METTL15: variants seen among roughly 807,000 people sequenced by gnomAD.
METTL15 encodes 12S rRNA N(4)-cytidine methyltransferase METTL15.
METTL15 carries 34 observed loss-of-function variants against 38.3 expected under a neutral mutation model. That is an observed-to-expected ratio of 0.89 (90% CI 0.68 to 1.18). The LOEUF (loss-of-function observed/expected upper bound fraction) is 1.18. METTL15 is among the 50% of genes most tolerant of loss of function. The pLI, the probability that METTL15 is intolerant of heterozygous loss-of-function variation, is 0.00. For missense variants in METTL15, 438 were observed against 498.4 expected (o/e 0.88, Z 1.15); for synonymous variants, 162 against 170.9 (o/e 0.95, Z 0.41).
At chr11:28,385,040 T>C (rs77415602) in intron 5 of METTL15, among the ~76,000 whole-genome samples, 8,385 of 152,278 alleles carry the variant, frequency 0.055, 405 homozygotes, top group African/African-American at 0.13. Flanking sequence ...AAGCTTAATA[T>C]TAGACTTTTG....
intron 6 of METTL15, among the ~76,000 whole-genome samples, chr11:28,513,406 G>A (rs1851692739): frequency 6.6e-6 from 1 of 152,216 alleles, no homozygotes; most frequent in African/African-American, 2.4e-5. Context: ...TCCCTCAGCA[G>A]TAAAATGGGG....
At chr11:28,372,450 C>CTTTTTTT (rs56304548) in intron 5 of METTL15, among the ~76,000 whole-genome samples, 2 of 101,574 alleles carry the variant, frequency 2.0e-5, no homozygotes, top group African/African-American at 3.7e-5. Flanking sequence ...TTGTTGTGTT[C>CTTTTTTT]TTTTTTTTTT....
intron 4 of METTL15, among the ~76,000 whole-genome samples, chr11:28,278,664 T>C (rs1209879289): frequency 6.6e-6 from 1 of 152,226 alleles, no homozygotes; most frequent in East Asian, 1.9e-4. Context: ...TCCTTACCTC[T>C]CTCTTGTCTT....
intron 6 of METTL15, among the ~76,000 whole-genome samples, chr11:28,297,814 TAAG>T (rs753164321): frequency 2.0e-5 from 3 of 152,120 alleles, no homozygotes; most frequent in Non-Finnish European, 4.4e-5. Context: ...AAGTAAATTT[TAAG>T]AAGTTTTTAA....
intron 3 of METTL15, among the ~76,000 whole-genome samples, chr11:28,208,360 G>C (rs959363167): frequency 1.3e-5 from 2 of 152,004 alleles, no homozygotes; most frequent in East Asian, 1.9e-4. Context: ...CCTTCATTTC[G>C]TTATGTACCC....
intron 6 of METTL15, among the ~76,000 whole-genome samples, chr11:28,485,797 C>T (rs550213762): frequency 3.3e-5 from 5 of 152,262 alleles, no homozygotes; most frequent in African/African-American, 1.2e-4. Flanking sequence ...TTCTGGAGGA[C>T]AGTCCGAGAT....
intron 6 of METTL15, among the ~76,000 whole-genome samples, chr11:28,308,064 G>A (rs10742191): frequency 1 from 151,723 of 152,118 alleles, 75,665 homozygotes; most frequent in Middle Eastern, 1. Flanking sequence ...TGGGTGTAGA[G>A]TTGATAGGTT....
chr11:28,260,801 T>A (rs747684886), intron 4 of METTL15, among the ~76,000 whole-genome samples: 1 of 152,180 alleles, frequency 6.6e-6, no homozygotes, highest in South Asian at 2.1e-4. Flanking sequence ...ATAGATGTTG[T>A]GCTGGCAGGC....
At chr11:28,327,110 C>T (rs574444867) in intron 6 of METTL15, among the ~76,000 whole-genome samples, 4 of 152,274 alleles carry the variant, frequency 2.6e-5, no homozygotes, top group African/African-American at 9.6e-5. Flanking sequence ...TTTGATCCCC[C>T]AGAGAAGTAC....
chr11:28,333,084 A>G lies in METTL15; in HGVS notation c.*2243A>G, dbSNP rs1318808106. 3 of 151,544 alleles carry G rather than the reference A, an allele frequency of 2.0e-5. No homozygotes were observed. Among genetic ancestry groups the G allele is most frequent in the East Asian group, 1.9e-4 (1 of 5,174 alleles). The allele number at this position is 151,544 out of a possible 1,614,324, so 9.4% of individuals were successfully genotyped here. A position where few individuals can be genotyped will look rare whatever the true frequency, so the allele number is the denominator to read the frequency against. ...GGAATAGATTCTCCCTCAGAGTTCC[A>G]GTAGTTGCCAACCCTGCTAACATGG... is the stretch of plus-strand genomic sequence containing the variant. On this transcript the variant is annotated 3_prime_UTR_variant, in exon 7 of 7. Coordinates refer to ENST00000407364, the MANE Select transcript of METTL15 (RefSeq NM_001113528.2).
At chr11:28,301,930 A>G (rs988208641) in intron 6 of METTL15, among the ~76,000 whole-genome samples, 5 of 152,060 alleles carry the variant, frequency 3.3e-5, no homozygotes, top group African/African-American at 1.2e-4. Flanking sequence ...TTTTTAAGTG[A>G]CAGGGTCTCC....
intron 5 of METTL15, among the ~76,000 whole-genome samples, chr11:28,368,128 C>CAAAAAAAAAAAAAAAAAAAAAAAAA: frequency 3.1e-5 from 1 of 32,578 alleles, no homozygotes; most frequent in Non-Finnish European, 5.8e-5. Flanking sequence ...TTCTGCATAG[C>CAAAAAAAAAAAAAAAAAAAAAAAAA]AAAAAAAAAA....
intron 4 of METTL15, among the ~76,000 whole-genome samples, chr11:28,285,131 C>G (rs1462890535): frequency 1.3e-5 from 2 of 152,122 alleles, no homozygotes; most frequent in African/African-American, 4.8e-5. Flanking sequence ...CCTTTGCCTT[C>G]CACCATGATT....
intron 4 of METTL15, among the ~76,000 whole-genome samples, chr11:28,284,787 T>C (rs574029655): frequency 6.6e-6 from 1 of 152,312 alleles, no homozygotes; most frequent in African/African-American, 2.4e-5. Context: ...TCTAGGGACA[T>C]AGGCAGACTG....
At chr11:28,430,724 T>TG (rs1156286566) in intron 6 of METTL15, among the ~76,000 whole-genome samples, 4 of 101,928 alleles carry the variant, frequency 3.9e-5, no homozygotes, top group Non-Finnish European at 2.1e-5. Flanking sequence ...GGGAGGGAGG[T>TG]GGGGGGGTCA....
intron 6 of METTL15, among the ~76,000 whole-genome samples, chr11:28,473,037 A>G (rs1851315690): frequency 6.6e-6 from 1 of 152,174 alleles, no homozygotes; most frequent in Admixed American, 6.5e-5. Flanking sequence ...TAAAGGAGGC[A>G]GGCCAGCTAA....
At chr11:28,364,477 CAGAT>C (rs1414562154) in intron 5 of METTL15, among the ~76,000 whole-genome samples, 1 of 152,068 alleles carries the variant, frequency 6.6e-6, no homozygotes, top group Non-Finnish European at 1.5e-5. Context: ...ATTTGGCCCT[CAGAT>C]AGAACATTAT....
chr11:28,309,853 C>T (rs1005393827), intron 6 of METTL15, among the ~76,000 whole-genome samples: 1 of 152,126 alleles, frequency 6.6e-6, no homozygotes, highest in Non-Finnish European at 1.5e-5. Context: ...AAATTCTGTC[C>T]TGATGGTGGC....
At chr11:28,134,731 A>G (rs554471505) in intron 3 of METTL15, 1 of 396,500 alleles carries the variant, frequency 2.5e-6, no homozygotes, top group Admixed American at 4.4e-5. Context: ...CCTCCAAGCA[A>G]AAAGGAACAA....
Sources: gnomAD v4.1 joint callset for allele counts (sites outside exome capture counted in the v4.1 genomes callset) on GRCh38, gnomAD v4.1.1 for gene constraint, MANE v1.5 for transcripts, NCBI Gene and HGNC (gene_info 2026-07-23, HGNC 2026-07-21) for gene names.